The following KLF8 variants were observed in gnomAD, a reference collection of about 807,000 sequenced individuals.
KLF8 encodes the protein KLF transcription factor 8.
Under a neutral mutation model 18.2 loss-of-function variants are expected in KLF8, and 10 were observed. That is an observed-to-expected ratio of 0.55 (90% CI 0.34 to 0.93). The LOEUF is 0.93. KLF8 is among the 40% of genes least tolerant of loss of function. The pLI, the probability that KLF8 is intolerant of heterozygous loss-of-function variation, is 0.02. For missense variants in KLF8, 264 were observed against 277.9 expected (o/e 0.95, Z 0.36); for synonymous variants, 109 against 97.3 (o/e 1.12, Z -0.71).
chrX:56,007,300 G>A, the KLF8 span, among the ~76,000 whole-genome samples: 2 of 111,129 alleles, frequency 1.8e-5, no homozygotes, highest in African/African-American at 3.3e-5. Flanking sequence ...GTAGTCTGGT[G>A]GGAGTCGTAC....
At chrX:56,226,165 C>T in the KLF8 span, among the ~76,000 whole-genome samples, 1 of 111,796 alleles carries the variant, frequency 8.9e-6, no homozygotes, top group African/African-American at 3.3e-5. Context: ...GAGGAGGGGG[C>T]AAGGTTGCTT....
At chrX:55,934,539 G>A in the KLF8 span, among the ~76,000 whole-genome samples, 1 of 112,199 alleles carries the variant, frequency 8.9e-6, no homozygotes, top group East Asian at 2.8e-4. Context: ...ATCAGTGAAA[G>A]TTATTCCATT....
At chrX:56,052,572 G>C in the KLF8 span, among the ~76,000 whole-genome samples, 1 of 111,783 alleles carries the variant, frequency 8.9e-6, no homozygotes, top group Non-Finnish European at 1.9e-5. Flanking sequence ...GTCCCAGTTA[G>C]GCTGCCCGGG....
At chrX:56,172,110 TC>T in the KLF8 span, among the ~76,000 whole-genome samples, 1 of 111,011 alleles carries the variant, frequency 9.0e-6, no homozygotes, top group Non-Finnish European at 1.9e-5. Flanking sequence ...GATTTGCATT[TC>T]TTTTTTTTTT....
At chrX:56,182,910 A>AGGAGTTC in the KLF8 span, among the ~76,000 whole-genome samples, 47 of 109,376 alleles carry the variant, frequency 4.3e-4, no homozygotes, top group Non-Finnish European at 7.2e-4. Flanking sequence ...TAGGCTATTC[A>AGGAGTTC]GGGGTCAGGG....
the KLF8 span, among the ~76,000 whole-genome samples, chrX:56,036,391 A>G: frequency 1.8e-5 from 2 of 111,900 alleles, no homozygotes; most frequent in East Asian, 5.6e-4. Context: ...TTGTTCTTCC[A>G]TATAGGAATA....
intron 1 of KLF8, among the ~76,000 whole-genome samples, chrX:56,235,945 A>G (rs2066469752): frequency 8.9e-6 from 1 of 112,184 alleles, no homozygotes; most frequent in African/African-American, 3.2e-5. Context: ...CAGAAGTGGA[A>G]TGTAGATTAG....
the KLF8 span, among the ~76,000 whole-genome samples, chrX:56,071,661 G>A: frequency 9.0e-5 from 10 of 111,363 alleles, no homozygotes; most frequent in African/African-American, 2.9e-4. Context: ...TGAATCCCAG[G>A]ATCAACACTA....
the KLF8 span, among the ~76,000 whole-genome samples, chrX:56,218,859 G>A: frequency 5.4e-5 from 6 of 111,959 alleles, no homozygotes; most frequent in African/African-American, 1.6e-4. Flanking sequence ...ATTTGGTTTA[G>A]GGAAGAGGTT....
the KLF8 span, among the ~76,000 whole-genome samples, chrX:55,946,964 G>A: frequency 2.4e-4 from 27 of 111,519 alleles, no homozygotes; most frequent in Non-Finnish European, 4.9e-4. Context: ...TTAGAATGGC[G>A]ATCGTTAAAA....
chrX:56,046,312 T>A, the KLF8 span, among the ~76,000 whole-genome samples: 4 of 111,639 alleles, frequency 3.6e-5, no homozygotes, highest in Non-Finnish European at 7.5e-5. Flanking sequence ...GTTTTCTTTT[T>A]TTGTTATGCC....
chrX:56,069,481 G>A, the KLF8 span, among the ~76,000 whole-genome samples: 77 of 111,265 alleles, frequency 6.9e-4, no homozygotes, highest in Admixed American at 7.1e-3. Context: ...AAACTCAGCC[G>A]ATGGGCACAG....
the KLF8 span, among the ~76,000 whole-genome samples, chrX:56,017,652 T>C: frequency 8.9e-6 from 1 of 111,740 alleles, no homozygotes; most frequent in Non-Finnish European, 1.9e-5. Context: ...TGAGGGGTAG[T>C]ACTGATTGTG....
At chrX:56,073,551 C>A in the KLF8 span, among the ~76,000 whole-genome samples, 1 of 110,917 alleles carries the variant, frequency 9.0e-6, no homozygotes, top group African/African-American at 3.3e-5. Context: ...TATGTATTCC[C>A]TTTTGAGGTA....
the KLF8 span, among the ~76,000 whole-genome samples, chrX:56,172,947 G>A: frequency 9.0e-6 from 1 of 111,001 alleles, no homozygotes; most frequent in African/African-American, 3.3e-5. Context: ...GGTTTTTGAT[G>A]GGGTGGTTTT....
the KLF8 span, among the ~76,000 whole-genome samples, chrX:56,057,016 C>T: frequency 4.0e-5 from 4 of 101,113 alleles, no homozygotes; most frequent in African/African-American, 1.0e-4. Flanking sequence ...ACACTTGTCA[C>T]CTGTGACAGG....
chrX:56,062,379 G>T, the KLF8 span, among the ~76,000 whole-genome samples: 1 of 111,385 alleles, frequency 9.0e-6, no homozygotes. Context: ...GGTAGGCCTG[G>T]TGGTGACAAA....
the KLF8 span, among the ~76,000 whole-genome samples, chrX:56,030,738 G>T: frequency 7.4e-5 from 8 of 107,468 alleles, no homozygotes; most frequent in Non-Finnish European, 9.6e-5. Context: ...GGGCCTCTCT[G>T]CTTGGTAAGG....
chrX:55,919,257 A>T, the KLF8 span, among the ~76,000 whole-genome samples: 2 of 112,171 alleles, frequency 1.8e-5, no homozygotes, highest in African/African-American at 6.5e-5. Flanking sequence ...GATAGAAGGC[A>T]TGACTAGCTT....
Sources: gnomAD v4.1 joint callset for allele counts (sites outside exome capture counted in the v4.1 genomes callset) on GRCh38, gnomAD v4.1.1 for gene constraint, MANE v1.5 for transcripts, NCBI Gene and HGNC (gene_info 2026-07-23, HGNC 2026-07-21) for gene names.